Variants in SEMA6D observed in about 807,000 individuals in gnomAD.
SEMA6D encodes semaphorin-6D.
A neutral mutation model predicts 106.6 loss-of-function variants in SEMA6D; 35 were observed. The observed-to-expected ratio is 0.33, with a 90% CI of 0.25 to 0.44. The LOEUF is 0.44. SEMA6D is among the 20% of genes least tolerant of loss of function. The probability of loss-of-function intolerance (pLI) is 1.00; values close to 1 mark genes in which losing one functional copy is unlikely to be tolerated. For missense variants in SEMA6D, 1,185 were observed against 1,345.9 expected, an observed-to-expected ratio of 0.88 and a Z score of 1.87; for synonymous variants, 499 against 487.7, an observed-to-expected ratio of 1.02 and a Z score of -0.31.
intron 2 of SEMA6D, among the ~76,000 whole-genome samples, chr15:47,432,610 CA>C (rs965769375): frequency 1.1e-4 from 16 of 151,860 alleles, no homozygotes; most frequent in Non-Finnish European, 2.1e-4. Context: ...TATACATATA[CA>C]CACACAATTA....
chr15:47,736,232 C>G (rs147420957), intron 1 of SEMA6D, among the ~76,000 whole-genome samples: 1 of 152,204 alleles, frequency 6.6e-6, no homozygotes, highest in African/African-American at 2.4e-5. Context: ...CTCCCAAGCC[C>G]CTAATGGTTG....
intron 3 of SEMA6D, among the ~76,000 whole-genome samples, chr15:47,539,029 T>G (rs2045270730): frequency 6.6e-6 from 1 of 152,180 alleles, no homozygotes; most frequent in Non-Finnish European, 1.5e-5. Context: ...TTATTGAGAA[T>G]GTTCACACTG....
At chr15:47,314,934 C>A (rs1289236256) in intron 1 of SEMA6D, among the ~76,000 whole-genome samples, 1 of 136,150 alleles carries the variant, frequency 7.3e-6, no homozygotes, top group Non-Finnish European at 1.5e-5. Context: ...GGCGCAATCT[C>A]GGCTCACTGC....
chr15:47,361,892 G>A (rs961876502), intron 1 of SEMA6D, among the ~76,000 whole-genome samples: 2 of 152,278 alleles, frequency 1.3e-5, no homozygotes, highest in South Asian at 2.1e-4. Flanking sequence ...AGCTGGGGCT[G>A]AGAAACAAAC....
intron 4 of SEMA6D, among the ~76,000 whole-genome samples, chr15:47,695,318 A>T (rs1361172849): frequency 6.6e-6 from 1 of 152,164 alleles, no homozygotes; most frequent in East Asian, 1.9e-4. Flanking sequence ...TTTTCAGTGA[A>T]GCTCTGTATT....
chr15:47,212,994 C>T (rs761760485), intron 1 of SEMA6D, among the ~76,000 whole-genome samples: 1 of 152,126 alleles, frequency 6.6e-6, no homozygotes, highest in Non-Finnish European at 1.5e-5. Context: ...TCTTCCTTTC[C>T]CTCCTTTTTG....
rs1258338355 is a variant in SEMA6D, at chr15:47,348,723, C to CAGAGAGAGAGAGAGAG, written c.-238-63669_-238-63668insGAGAGAGAGAGAGAGA. Among the ~76,000 whole-genome samples, 298 of 45,550 alleles carry CAGAGAGAGAGAGAGAG rather than the reference C, an allele frequency of 6.5e-3. 22 individuals are homozygous for CAGAGAGAGAGAGAGAG. The highest frequency in any genetic ancestry group is 0.014 in the African/African-American group (245 of 17,482). 29.9% of individuals were successfully genotyped at this position (45,550 alleles called of 152,430 possible). ...CACACACACACACACACACACCACA[C>CAGAGAGAGAGAGAGAG]ACACAGAGAGAGAGAGAGAGAGAGA... On this transcript the variant is annotated intron_variant, in intron 1 of 19. Transcript: ENST00000558014.
chr15:47,715,365 C>A (rs1006087057), upstream of SEMA6D, among the ~76,000 whole-genome samples: 5 of 152,166 alleles, frequency 3.3e-5, no homozygotes, highest in Non-Finnish European at 7.4e-5. Context: ...AAAGAGTTAG[C>A]AGTTTTCCTT....
intron 2 of SEMA6D, among the ~76,000 whole-genome samples, chr15:47,420,891 A>C (rs1253013612): frequency 6.6e-6 from 1 of 152,140 alleles, no homozygotes; most frequent in Non-Finnish European, 1.5e-5. Flanking sequence ...AAAAATGTAC[A>C]TATGAAGTAG....
intron 1 of SEMA6D, among the ~76,000 whole-genome samples, chr15:47,258,168 T>G (rs2033903149): frequency 6.6e-6 from 1 of 152,200 alleles, no homozygotes; most frequent in Admixed American, 6.5e-5. Context: ...CAGAGCTTTC[T>G]TTGTTAGCAG....
chr15:47,419,505 T>C (rs917074304), intron 2 of SEMA6D, among the ~76,000 whole-genome samples: 3 of 152,022 alleles, frequency 2.0e-5, no homozygotes, highest in African/African-American at 7.2e-5. Flanking sequence ...AAGGGGAGTA[T>C]AGCCTGATGC....
intron 16 of SEMA6D, 152 bp downstream of exon 16, chr15:47,766,829 G>A (rs2082367683): frequency 1.5e-6 from 1 of 656,436 alleles, no homozygotes; most frequent in African/African-American, 1.8e-5. Flanking sequence ...TTCGGTCATG[G>A]GGATACATTA....
intron 1 of SEMA6D, among the ~76,000 whole-genome samples, chr15:47,201,769 G>A (rs149094468): frequency 1.3e-3 from 194 of 152,268 alleles, no homozygotes; most frequent in African/African-American, 4.4e-3. Context: ...AGGAAGGAAT[G>A]CTGGACAATT....
chr15:47,323,023 T>A (rs1496905), intron 1 of SEMA6D, among the ~76,000 whole-genome samples: 70,549 of 152,152 alleles, frequency 0.46, 19,612 homozygotes, highest in South Asian at 0.61. Context: ...TCTACCTGTC[T>A]TGTTTATAAA....
At chr15:47,294,983 G>C (rs2035747560) in intron 1 of SEMA6D, among the ~76,000 whole-genome samples, 1 of 152,130 alleles carries the variant, frequency 6.6e-6, no homozygotes, top group Non-Finnish European at 1.5e-5. Context: ...CCTCTGAAAG[G>C]AATCATTAAT....
At chr15:47,523,270 G>C (rs1230413343) in intron 3 of SEMA6D, among the ~76,000 whole-genome samples, 6 of 152,096 alleles carry the variant, frequency 3.9e-5, no homozygotes, top group Non-Finnish European at 8.8e-5. Flanking sequence ...CCAGTCAAGT[G>C]GAGAGGGCTG....
At position 47,771,900 on chromosome 15, in the gene SEMA6D, C is replaced by G; in HGVS notation, c.*115C>G. On this transcript the variant is annotated 3_prime_UTR_variant, in exon 19 of 19. Transcript: ENST00000536845. ...CTTGTATTTTAAGAGAACCAAGTGG[C>G]CAAAGAAACTCTTTCTAACTTTGGC... 8.9e-7 allele frequency: 1 copy of G among 1,124,310 alleles called. No homozygotes were observed. The highest frequency in any genetic ancestry group is 1.6e-5 in the South Asian group (1 of 63,786). The allele number at this position is 1,124,310 out of a possible 1,614,324, so 69.6% of individuals were successfully genotyped here.
chr15:47,701,485 T>G (rs1033105103), intron 4 of SEMA6D, among the ~76,000 whole-genome samples: 26 of 152,156 alleles, frequency 1.7e-4, no homozygotes, highest in African/African-American at 6.3e-4. Context: ...ATTCTATTCT[T>G]GCAAATTGCT....
intron 1 of SEMA6D, among the ~76,000 whole-genome samples, chr15:47,732,621 G>A (rs959512209): frequency 6.6e-6 from 1 of 152,134 alleles, no homozygotes; most frequent in Non-Finnish European, 1.5e-5. Context: ...ATTATACATT[G>A]TTATTTATAC....
Sources: gnomAD v4.1 joint callset for allele counts (sites outside exome capture counted in the v4.1 genomes callset) on GRCh38, gnomAD v4.1.1 for gene constraint, MANE v1.5 for transcripts, NCBI Gene and HGNC (gene_info 2026-07-23, HGNC 2026-07-21) for gene names.